KAZN: variants seen among roughly 807,000 people sequenced by gnomAD.
KAZN encodes kazrin, periplakin interacting protein.
KAZN carries 40 observed loss-of-function variants against 87.4 expected under a neutral mutation model. That is an observed-to-expected ratio of 0.46 (90% confidence interval 0.36 to 0.60). The LOEUF (loss-of-function observed/expected upper bound fraction) is 0.60. Ranked by LOEUF, KAZN falls within the 20% of genes least tolerant of loss-of-function variation. KAZN has a pLI of 0.00. For missense variants in KAZN, 898 were observed against 1,073.9 expected (o/e 0.84, Z 2.29); for synonymous variants, 466 against 458.3 (o/e 1.02, Z -0.22).
intron 1 of KAZN, among the ~76,000 whole-genome samples, chr1:14,827,283 T>TG (rs1429053797): frequency 1.3e-5 from 2 of 152,178 alleles, no homozygotes; most frequent in African/African-American, 2.4e-5. Context: ...CGTAAGTGTT[T>TG]GGGGTACAGG....
chr1:14,229,758 A>G (rs897939343), intron 2 of KAZN, among the ~76,000 whole-genome samples: 1 of 152,256 alleles, frequency 6.6e-6, no homozygotes, highest in African/African-American at 2.4e-5. Flanking sequence ...ATTTCTTGCC[A>G]TGAGAAACCT....
intron 1 of KAZN, among the ~76,000 whole-genome samples, chr1:14,697,650 G>C (rs1641692219): frequency 6.6e-6 from 1 of 152,184 alleles, no homozygotes; most frequent in African/African-American, 2.4e-5. Flanking sequence ...CTTTAATTTA[G>C]TGAGCCATAA....
chr1:14,210,324 T>C (rs1439703364), intron 2 of KAZN, among the ~76,000 whole-genome samples: 3 of 152,214 alleles, frequency 2.0e-5, no homozygotes, highest in Non-Finnish European at 4.4e-5. Context: ...CCTTCTGCCA[T>C]GATTGTGAGG....
intron 2 of KAZN, among the ~76,000 whole-genome samples, chr1:15,003,714 A>G (rs1668730264): frequency 6.6e-6 from 1 of 152,090 alleles, no homozygotes; most frequent in Non-Finnish European, 1.5e-5. Flanking sequence ...TCGGGTCATC[A>G]GCTTACCCAT....
chr1:14,680,806 G>C (rs774525207), intron 1 of KAZN, among the ~76,000 whole-genome samples: 1 of 152,140 alleles, frequency 6.6e-6, no homozygotes, highest in Non-Finnish European at 1.5e-5. Context: ...GTATTACATG[G>C]TATGGTGTGT....
chr1:14,742,300 T>C (rs1644125549), intron 1 of KAZN, among the ~76,000 whole-genome samples: 1 of 152,208 alleles, frequency 6.6e-6, no homozygotes, highest in African/African-American at 2.4e-5. Context: ...GCAGGCTTTG[T>C]GATGGCAAGG....
chr1:14,489,541 C>T (rs1162215104), intron 2 of KAZN, among the ~76,000 whole-genome samples: 1 of 151,924 alleles, frequency 6.6e-6, no homozygotes, highest in Non-Finnish European at 1.5e-5. Context: ...CAAGAGCAGC[C>T]TGGCCAACAT....
intron 2 of KAZN, among the ~76,000 whole-genome samples, chr1:14,204,982 G>A (rs1031301873): frequency 6.6e-6 from 1 of 152,214 alleles, no homozygotes; most frequent in Non-Finnish European, 1.5e-5. Flanking sequence ...TTCTAAGAAG[G>A]TGTTCTTGAT....
At chr1:14,532,917 G>A (rs1312581769) in intron 2 of KAZN, among the ~76,000 whole-genome samples, 1 of 151,964 alleles carries the variant, frequency 6.6e-6, no homozygotes, top group Non-Finnish European at 1.5e-5. Flanking sequence ...TGTGAATAGT[G>A]CTGCAATAAA....
intron 1 of KAZN, among the ~76,000 whole-genome samples, chr1:14,693,260 T>A (rs963977659): frequency 2.0e-5 from 3 of 152,170 alleles, no homozygotes; most frequent in Non-Finnish European, 4.4e-5. Flanking sequence ...GAACCCCTTC[T>A]GAGATAGGGA....
intron 2 of KAZN, among the ~76,000 whole-genome samples, chr1:14,204,675 G>A (rs981808741): frequency 1.3e-5 from 2 of 152,030 alleles, no homozygotes; most frequent in African/African-American, 4.8e-5. Flanking sequence ...TTCAACTTCT[G>A]GGATTAAAAA....
chr1:15,034,703 G>A, intron 2 of KAZN, 46 bp from the exon 3 acceptor site: 1 of 1,610,596 alleles, frequency 6.2e-7, no homozygotes, highest in Non-Finnish European at 8.5e-7. Context: ...GGCATCTGGA[G>A]AGGACAGCTG....
chr1:14,626,700 C>T (rs377358511), intron 1 of KAZN, among the ~76,000 whole-genome samples: 2 of 152,134 alleles, frequency 1.3e-5, no homozygotes, highest in Non-Finnish European at 2.9e-5. Context: ...AACTCCTTAC[C>T]GTGGCTCCTG....
intron 2 of KAZN, among the ~76,000 whole-genome samples, chr1:14,447,299 C>T (rs1035598117): frequency 1.1e-4 from 16 of 150,420 alleles, no homozygotes; most frequent in Non-Finnish European, 1.9e-4. Flanking sequence ...AGTGCAGTGG[C>T]GTGATCTCAG....
At chr1:14,919,746 G>A (rs1658289781) in intron 1 of KAZN, among the ~76,000 whole-genome samples, 1 of 152,216 alleles carries the variant, frequency 6.6e-6, no homozygotes, top group Non-Finnish European at 1.5e-5. Flanking sequence ...CATATCTGAT[G>A]ATGGTCCCGT....
intron 2 of KAZN, among the ~76,000 whole-genome samples, chr1:14,305,999 A>G (rs1219267176): frequency 6.6e-6 from 1 of 151,850 alleles, no homozygotes; most frequent in Non-Finnish European, 1.5e-5. Flanking sequence ...TCTGGAAAGC[A>G]CTCTCATCTT....
intron 1 of KAZN, among the ~76,000 whole-genome samples, chr1:14,027,698 A>C (rs559903542): frequency 6.6e-6 from 1 of 152,358 alleles, no homozygotes; most frequent in African/African-American, 2.4e-5. Context: ...CATATTAAAA[A>C]ATAAAAAATG....
intron 13 of KAZN, 44 bp downstream of exon 13, chr1:15,104,233 G>GTA (rs1557802369): frequency 1.3e-6 from 2 of 1,513,900 alleles, no homozygotes; most frequent in Admixed American, 4.2e-5. Context: ...GCTGGGTACA[G>GTA]TACAGCTCAG....
At chr1:14,168,639 G>A (rs929430968) in intron 1 of KAZN, among the ~76,000 whole-genome samples, 2 of 152,138 alleles carry the variant, frequency 1.3e-5, no homozygotes, top group Non-Finnish European at 2.9e-5. Context: ...AAACTGGATC[G>A]TATATTCATA....
Sources: allele counts gnomAD v4.1 joint callset (sites outside exome capture counted in the v4.1 genomes callset), GRCh38; gene constraint gnomAD v4.1.1; transcripts MANE v1.5; gene names NCBI Gene and HGNC (gene_info 2026-07-23, HGNC 2026-07-21).